Variants in NEURL1 observed in about 807,000 individuals in gnomAD.
The protein encoded by NEURL1 is neuralized E3 ubiquitin protein ligase 1.
A neutral mutation model predicts 41.2 loss-of-function variants in NEURL1; 26 were observed. The ratio of observed to expected loss-of-function variants is 0.63; its 90% CI spans 0.46 to 0.87. The LOEUF (loss-of-function observed/expected upper bound fraction) is 0.87. Among genes scored for constraint, NEURL1 ranks in the 40% least tolerant of loss-of-function variants. NEURL1 has a pLI of 0.00. For missense variants in NEURL1, 761 were observed against 871.1 expected (o/e 0.87, Z 1.59); for synonymous variants, 400 against 402.3 (o/e 0.99, Z 0.07).
chr10:103,546,828 A>G (rs2034933764), intron 1 of NEURL1, among the ~76,000 whole-genome samples: 3 of 152,244 alleles, frequency 2.0e-5, no homozygotes, highest in Non-Finnish European at 4.4e-5. Flanking sequence ...GGGGGAGACC[A>G]GGCCACTAGG....
intron 2 of NEURL1, 144 bp from the exon 3 acceptor site, chr10:103,571,357 A>G (rs912404208): frequency 2.2e-5 from 22 of 998,084 alleles, no homozygotes; most frequent in Admixed American, 2.8e-5. Context: ...TCTTCCCAGC[A>G]GGGAGGGCTC....
intron 1 of NEURL1, among the ~76,000 whole-genome samples, chr10:103,541,160 A>G (rs1344958081): frequency 2.0e-5 from 3 of 152,220 alleles, no homozygotes; most frequent in Admixed American, 6.5e-5. Flanking sequence ...TGGAAGGGAC[A>G]CACAACTGGG....
chr10:103,497,507 G>C (rs1437333102), intron 1 of NEURL1, among the ~76,000 whole-genome samples: 1 of 152,146 alleles, frequency 6.6e-6, no homozygotes, highest in African/African-American at 2.4e-5. Context: ...CTGGTATAAT[G>C]GGGATCCTGG....
rs10883883 is a variant in NEURL1, at chr10:103,566,543, C to T, written c.86-4329C>T. Among the ~76,000 whole-genome samples, 26,540 of 152,100 alleles carry T rather than the reference C, an allele frequency of 0.17. 2,599 individuals are homozygous for T. The highest frequency in any genetic ancestry group is 0.26 in the South Asian group (1,274 of 4,818). On this transcript the variant is annotated intron_variant, in intron 1 of 5. Transcript: ENST00000369780. This position sits in a 1 kb window ranked among gnomAD's most constrained non-coding sequence, Gnocchi z 4.2. ...TTAGTGTATATCAGTGGTTATGTTC[C>T]TTTTTATTGCAGAGTAGTGATTGCA...
At chr10:103,582,113 TGTGA>T (rs1168243230) in intron 3 of NEURL1, among the ~76,000 whole-genome samples, 1 of 151,978 alleles carries the variant, frequency 6.6e-6, no homozygotes, top group Non-Finnish European at 1.5e-5. Context: ...GTGTGGGCCC[TGTGA>T]CAGCTGTGTT....
At chr10:103,571,440 TG>T in intron 2 of NEURL1, 60 bp from the exon 3 acceptor site, 1 of 1,500,428 alleles carries the variant, frequency 6.7e-7, no homozygotes, top group Non-Finnish European at 8.9e-7. Flanking sequence ...GCAGGGAGGC[TG>T]CCCTTGGTCT....
intron 1 of NEURL1, among the ~76,000 whole-genome samples, chr10:103,547,833 A>G (rs1361431267): frequency 6.6e-6 from 1 of 150,714 alleles, no homozygotes; most frequent in East Asian, 1.9e-4. Context: ...CCCATCAGGG[A>G]TCAGCAGAGT....
chr10:103,512,469 C>G (rs994109198), intron 1 of NEURL1, among the ~76,000 whole-genome samples: 3 of 152,182 alleles, frequency 2.0e-5, no homozygotes, highest in African/African-American at 7.2e-5. Context: ...GGGCAGGGCA[C>G]TTCTCTGTCC....
Position 103,494,147 on chromosome 10 carries a change from G to A in NEURL1, c.-241G>A, listed in dbSNP as rs2033621290. 1 of 425,598 alleles carries A rather than the reference G, an allele frequency of 2.3e-6. No individual in the cohort carries two copies. The highest frequency in any genetic ancestry group is 2.1e-5 in the African/African-American group (1 of 47,232). 26.4% of individuals were successfully genotyped at this position (425,598 alleles called of 1,614,324 possible). ...TGCTTGTGGCCCCCGCTCCCGCCAC[G>A]GGGCATGGGAGGCAGGTAGCCCAGC... On this transcript the variant is annotated 5_prime_UTR_variant, in exon 1 of 6. Transcript: ENST00000369780.
chr10:103,503,841 AG>A (rs1190952813), intron 1 of NEURL1, among the ~76,000 whole-genome samples: 1 of 111,672 alleles, frequency 9.0e-6, no homozygotes, highest in East Asian at 3.3e-4. Context: ...CCCAGGTTGG[AG>A]TGCAGTGGCG....
intron 1 of NEURL1, among the ~76,000 whole-genome samples, chr10:103,538,751 A>T (rs1274281419): frequency 2.7e-5 from 4 of 146,154 alleles, no homozygotes; most frequent in Non-Finnish European, 6.0e-5. Flanking sequence ...AGTTCAAGTG[A>T]TTCTCCTGCC....
chr10:103,560,049 AC>A (rs914464497), intron 1 of NEURL1, among the ~76,000 whole-genome samples: 40 of 152,070 alleles, frequency 2.6e-4, no homozygotes, highest in African/African-American at 8.9e-4. Context: ...AAACACACGC[AC>A]ACACACATAC....
intron 1 of NEURL1, among the ~76,000 whole-genome samples, chr10:103,522,392 G>C (rs2034370252): frequency 2.6e-5 from 4 of 151,712 alleles, no homozygotes; most frequent in African/African-American, 9.7e-5. Flanking sequence ...CGGGTCACCT[G>C]AGGTTGGGAG....
At chr10:103,571,973 G>T in intron 3 of NEURL1, 151 bp downstream of exon 3, 1 of 741,712 alleles carries the variant, frequency 1.3e-6, no homozygotes, top group Admixed American at 3.0e-5. Flanking sequence ...ACCTTGGCAT[G>T]AACTGCAGAG....
chr10:103,588,467 G>A (rs2035968944), intron 4 of NEURL1, among the ~76,000 whole-genome samples: 1 of 152,112 alleles, frequency 6.6e-6, no homozygotes. Context: ...GGGGTAGTCA[G>A]GGCGGCCCAG....
intron 1 of NEURL1, among the ~76,000 whole-genome samples, chr10:103,506,582 C>T (rs558598170): frequency 1.5e-4 from 23 of 150,724 alleles, no homozygotes; most frequent in African/African-American, 4.1e-4. Context: ...TTTTTTGAGA[C>T]GGAGTCTCAC....
At chr10:103,542,467 T>A (rs1390439886) in intron 1 of NEURL1, among the ~76,000 whole-genome samples, 1 of 152,180 alleles carries the variant, frequency 6.6e-6, no homozygotes, top group Non-Finnish European at 1.5e-5. Flanking sequence ...CTTGCTATGT[T>A]ACCCAGGCTG....
chr10:103,578,942 T>C (rs1180239413), intron 3 of NEURL1, among the ~76,000 whole-genome samples: 1 of 152,342 alleles, frequency 6.6e-6, no homozygotes, highest in East Asian at 1.9e-4. Flanking sequence ...AGCAGATACC[T>C]GCTAGCAAGC....
At chr10:103,542,140 T>C (rs527537505) in intron 1 of NEURL1, among the ~76,000 whole-genome samples, 3 of 152,330 alleles carry the variant, frequency 2.0e-5, no homozygotes, top group African/African-American at 4.8e-5. Context: ...ACCATTGTGA[T>C]TGGCTTATTG....
Sources: allele counts gnomAD v4.1 joint callset (sites outside exome capture counted in the v4.1 genomes callset), GRCh38; gene constraint gnomAD v4.1.1; non-coding constraint Gnocchi (gnomAD v3.1); transcripts MANE v1.5; gene names NCBI Gene and HGNC (gene_info 2026-07-23, HGNC 2026-07-21).